PLCXD3: variants seen among roughly 807,000 people sequenced by gnomAD.
PLCXD3 encodes phosphatidylinositol specific phospholipase C X domain containing 3.
PLCXD3 carries 19 observed loss-of-function variants against 25.5 expected under a neutral mutation model. The observed-to-expected ratio is 0.75, with a 90% confidence interval of 0.52 to 1.09. The LOEUF is 1.09. PLCXD3 is among the 50% of genes least tolerant of loss of function. The pLI, the probability that PLCXD3 is intolerant of heterozygous loss-of-function variation, is 0.00. For missense variants in PLCXD3, 411 were observed against 388.1 expected (o/e 1.06, Z -0.50); for synonymous variants, 174 against 137.6 (o/e 1.26, Z -1.85).
Position 41,313,409 on chromosome 5 carries a change from G to T in PLCXD3, c.*208C>A, listed in dbSNP as rs770598899. The T allele has an allele frequency of 4.1e-6, 2 of 489,916 alleles. No homozygotes were observed. Among genetic ancestry groups the T allele is most frequent in the Non-Finnish European group, 7.0e-6 (2 of 285,074 alleles). 30.3% of individuals were successfully genotyped at this position (489,916 alleles called of 1,614,324 possible). A position where few individuals can be genotyped will look rare whatever the true frequency, so the allele number is the denominator to read the frequency against. On this transcript the variant is annotated 3_prime_UTR_variant, in exon 3 of 3. Transcript: ENST00000377801. Reference sequence around the variant, plus strand: ...ATTCCTAACACTAGAAGTAGATTTTGCTCATCAAATGGGAAATGAAATATT... The same window carrying T: ...ATTCCTAACACTAGAAGTAGATTTTTCTCATCAAATGGGAAATGAAATATT...
intron 1 of PLCXD3, among the ~76,000 whole-genome samples, chr5:41,473,519 C>G (rs772980533): frequency 6.6e-6 from 1 of 151,934 alleles, no homozygotes; most frequent in Non-Finnish European, 1.5e-5. Context: ...CAGGCTGGAG[C>G]GCAGGCTCCG....
At position 41,310,107 on chromosome 5, in the gene PLCXD3, T is replaced by C. The variant is rs551007908; in HGVS notation, c.*3510A>G. 1.3e-5 allele frequency: 2 copies of C among 152,270 alleles called. No individual in the cohort carries two copies. Among genetic ancestry groups the C allele is most frequent in the African/African-American group, 4.8e-5 (2 of 41,572 alleles). The allele number at this position is 152,270 out of a possible 1,614,324, so 9.4% of individuals were successfully genotyped here. ...CTGTTAGGTGGCACTCCATGAAAAG[T>C]AAGTTTTCCCAGTATGGCTGAAAGT... On this transcript the variant is annotated 3_prime_UTR_variant, in exon 3 of 3. Coordinates refer to ENST00000377801, the MANE Select transcript of PLCXD3 (RefSeq NM_001005473.3).
intron 1 of PLCXD3, among the ~76,000 whole-genome samples, chr5:41,440,502 G>A (rs1421088401): frequency 6.6e-6 from 1 of 151,770 alleles, no homozygotes; most frequent in African/African-American, 2.4e-5. Context: ...CAAAGTGCTG[G>A]GATTACAGGT....
At chr5:41,468,873 T>A (rs992678419) in intron 1 of PLCXD3, among the ~76,000 whole-genome samples, 1 of 152,204 alleles carries the variant, frequency 6.6e-6, no homozygotes, top group African/African-American at 2.4e-5. Flanking sequence ...TTTTATTTCT[T>A]TCTTTTGCCT....
At chr5:41,470,718 A>C (rs142423120) in intron 1 of PLCXD3, among the ~76,000 whole-genome samples, 1 of 152,340 alleles carries the variant, frequency 6.6e-6, no homozygotes, top group African/African-American at 2.4e-5. Context: ...CTAGAAGCTA[A>C]ACAGGAAAAA....
intron 2 of PLCXD3, among the ~76,000 whole-genome samples, chr5:41,316,984 G>T (rs746360954): frequency 4.6e-5 from 7 of 152,206 alleles, no homozygotes; most frequent in Admixed American, 2.6e-4. Context: ...CCTGCTGATT[G>T]TTCAGCCCCA....
chr5:41,354,737 A>G (rs1419663775), intron 2 of PLCXD3, among the ~76,000 whole-genome samples: 1 of 152,082 alleles, frequency 6.6e-6, no homozygotes, highest in Non-Finnish European at 1.5e-5. Flanking sequence ...GTCTCACTCA[A>G]ACTCATTTTT....
chr5:41,428,931 T>A (rs1747030142), intron 1 of PLCXD3, among the ~76,000 whole-genome samples: 1 of 152,098 alleles, frequency 6.6e-6, no homozygotes, highest in South Asian at 2.1e-4. Flanking sequence ...TTTCAAAGAC[T>A]CCCTGAGTCC....
intron 1 of PLCXD3, among the ~76,000 whole-genome samples, chr5:41,413,713 T>C (rs776739707): frequency 5.3e-5 from 8 of 152,096 alleles, no homozygotes; most frequent in Non-Finnish European, 1.0e-4. Context: ...TCATCACACT[T>C]ATGAGGTGAA....
chr5:41,339,237 C>A (rs912938560), intron 2 of PLCXD3, among the ~76,000 whole-genome samples: 2 of 152,072 alleles, frequency 1.3e-5, no homozygotes, highest in African/African-American at 4.8e-5. Context: ...CCCACCAGAA[C>A]TGCAAGAAAA....
At chr5:41,460,896 A>C (rs1747858053) in intron 1 of PLCXD3, among the ~76,000 whole-genome samples, 1 of 151,856 alleles carries the variant, frequency 6.6e-6, no homozygotes, top group Admixed American at 6.6e-5. Context: ...TAAGTGTTTC[A>C]TGTCTCTGAA....
At chr5:41,333,353 T>C (rs1743888801) in intron 2 of PLCXD3, among the ~76,000 whole-genome samples, 1 of 152,118 alleles carries the variant, frequency 6.6e-6, no homozygotes, top group African/African-American at 2.4e-5. Flanking sequence ...AGTTTAGAAA[T>C]TTCACTTGAA....
At chr5:41,344,490 G>A (rs1169870713) in intron 2 of PLCXD3, among the ~76,000 whole-genome samples, 2 of 151,954 alleles carry the variant, frequency 1.3e-5, no homozygotes, top group Admixed American at 1.3e-4. Flanking sequence ...TGTCACTTAA[G>A]GAAAGTTATT....
chr5:41,366,771 CA>C (rs1744949507), intron 2 of PLCXD3, among the ~76,000 whole-genome samples: 1 of 152,144 alleles, frequency 6.6e-6, no homozygotes, highest in African/African-American at 2.4e-5. Context: ...GTATTAAGCC[CA>C]GCAAGCATTA....
chr5:41,312,053 T>C lies in PLCXD3; in HGVS notation c.*1564A>G, dbSNP rs1229951147. The C allele has an allele frequency of 6.6e-6, 1 of 152,538 alleles. No individual in the cohort carries two copies. Among genetic ancestry groups the C allele is most frequent in the Non-Finnish European group, 1.5e-5 (1 of 68,014 alleles). The allele number at this position is 152,538 out of a possible 1,614,324, so 9.4% of individuals were successfully genotyped here. A position where few individuals can be genotyped will look rare whatever the true frequency, so the allele number is the denominator to read the frequency against. On this transcript the variant is annotated 3_prime_UTR_variant, in exon 3 of 3. Coordinates refer to ENST00000377801, the MANE Select transcript of PLCXD3 (RefSeq NM_001005473.3). ...ATAATTTTATAAACACCTCACAATA[T>C]TCCTGTGAAGTACATAGGCAAGGAT...
At chr5:41,470,451 G>C (rs1580389068) in intron 1 of PLCXD3, among the ~76,000 whole-genome samples, 1 of 152,148 alleles carries the variant, frequency 6.6e-6, no homozygotes, top group African/African-American at 2.4e-5. Context: ...GAAATTAGTA[G>C]AGCATCAGTC....
intron 1 of PLCXD3, among the ~76,000 whole-genome samples, chr5:41,476,215 G>A (rs576162629): frequency 1.3e-5 from 2 of 152,280 alleles, no homozygotes; most frequent in Non-Finnish European, 1.5e-5. Context: ...TCACCACTTT[G>A]GGAGAGTGGG....
chr5:41,464,074 A>G (rs1747954783), intron 1 of PLCXD3, among the ~76,000 whole-genome samples: 1 of 152,128 alleles, frequency 6.6e-6, no homozygotes, highest in African/African-American at 2.4e-5. Context: ...CCACTCACAG[A>G]CCACTCCAAC....
chr5:41,429,503 A>G (rs1355806659), intron 1 of PLCXD3, among the ~76,000 whole-genome samples: 1 of 152,182 alleles, frequency 6.6e-6, no homozygotes, highest in African/African-American at 2.4e-5. Context: ...AAACAGGACT[A>G]TAGGCCAAAT....
Sources: gnomAD v4.1 joint callset for allele counts (sites outside exome capture counted in the v4.1 genomes callset) on GRCh38, gnomAD v4.1.1 for gene constraint, MANE v1.5 for transcripts, NCBI Gene and HGNC (gene_info 2026-07-23, HGNC 2026-07-21) for gene names.